ENOX1: variants seen among roughly 807,000 people sequenced by gnomAD.
ENOX1 encodes ecto-NOX disulfide-thiol exchanger 1, also known as candidate growth-related and time keeping constitutive hydroquinone (NADH) oxidase.
In ENOX1, 42 loss-of-function variants were observed where a neutral mutation model predicts 82.5. The observed-to-expected ratio is 0.51, with a 90% CI of 0.40 to 0.66. The LOEUF (loss-of-function observed/expected upper bound fraction) is 0.66. Ranked by LOEUF, ENOX1 falls within the 30% of genes least tolerant of loss-of-function variation. The pLI is 0.00. For missense variants in ENOX1, 608 were observed against 811.6 expected, an observed-to-expected ratio of 0.75 and a Z score of 3.05; for synonymous variants, 271 against 282.2, an observed-to-expected ratio of 0.96 and a Z score of 0.40.
At chr13:43,535,164 G>A (rs1159668992) in intron 2 of ENOX1, among the ~76,000 whole-genome samples, 12 of 152,176 alleles carry the variant, frequency 7.9e-5, no homozygotes, top group Non-Finnish European at 1.8e-4. Context: ...TGCTTAGTGA[G>A]TAGAGGTTAG....
intron 13 of ENOX1, 75 bp from the exon 14 acceptor site, chr13:43,265,529 G>A: frequency 8.1e-7 from 1 of 1,235,778 alleles, no homozygotes; most frequent in Non-Finnish European, 1.2e-6. Context: ...ATATCATCTT[G>A]TTAACTGATT....
intron 1 of ENOX1, among the ~76,000 whole-genome samples, chr13:43,781,050 C>T (rs1952230193): frequency 6.6e-6 from 1 of 152,204 alleles, no homozygotes; most frequent in Non-Finnish European, 1.5e-5. Context: ...CTATTCCATA[C>T]TTAGGATGGC....
intron 2 of ENOX1, among the ~76,000 whole-genome samples, chr13:43,553,060 A>T (rs1450280064): frequency 6.6e-6 from 1 of 152,090 alleles, no homozygotes; most frequent in Non-Finnish European, 1.5e-5. Flanking sequence ...TGGGGAGTGG[A>T]GATGGGGGTT....
intron 2 of ENOX1, among the ~76,000 whole-genome samples, chr13:43,525,052 C>T (rs577465624): frequency 3.3e-5 from 5 of 152,092 alleles, no homozygotes; most frequent in African/African-American, 7.2e-5. Flanking sequence ...ATCAACTACT[C>T]CTTCACATTT....
At chr13:43,274,320 C>G (rs1293594790) in intron 12 of ENOX1, among the ~76,000 whole-genome samples, 1 of 152,174 alleles carries the variant, frequency 6.6e-6, no homozygotes, top group Non-Finnish European at 1.5e-5. Context: ...CACTCCTAGA[C>G]TGTTTTCTGC....
At position 43,258,192 on chromosome 13, in the gene ENOX1, G is replaced by A. The variant is rs143877420; in HGVS notation, c.1611+7206C>T. 1.7e-3 allele frequency among the ~76,000 whole-genome samples: 266 copies of A among 152,306 alleles called. 1 individual carries two copies. Among genetic ancestry groups the A allele is most frequent in the African/African-American group, 6.2e-3 (258 of 41,564 alleles). ...ATTCACCGTGAGCCAGCTTCTGTCTGTTTTTGACAGCAGTTCCCTCTCTAA... is the reference window on the plus strand; with the variant it reads ...ATTCACCGTGAGCCAGCTTCTGTCTATTTTTGACAGCAGTTCCCTCTCTAA... On this transcript the variant is annotated intron_variant, in intron 14 of 16. Transcript: ENST00000690772.
At chr13:43,372,373 A>T (rs564925109) in intron 5 of ENOX1, among the ~76,000 whole-genome samples, 2 of 152,222 alleles carry the variant, frequency 1.3e-5, no homozygotes, top group African/African-American at 2.4e-5. Context: ...TTAATATGGC[A>T]TCTGGAAGGC....
intron 11 of ENOX1, among the ~76,000 whole-genome samples, chr13:43,315,335 G>A (rs1197074568): frequency 6.6e-6 from 1 of 152,190 alleles, no homozygotes; most frequent in Non-Finnish European, 1.5e-5. Flanking sequence ...AATCACAGGT[G>A]AGCATTTGAC....
At chr13:43,588,288 G>C (rs2081084954) in intron 2 of ENOX1, among the ~76,000 whole-genome samples, 1 of 152,074 alleles carries the variant, frequency 6.6e-6, no homozygotes, top group Admixed American at 6.6e-5. Context: ...TAAGTGCTTT[G>C]GAGTGAAAAC....
At chr13:43,725,303 CA>C (rs1195670700) in intron 1 of ENOX1, among the ~76,000 whole-genome samples, 3 of 152,122 alleles carry the variant, frequency 2.0e-5, no homozygotes. Flanking sequence ...GCAATGACTA[CA>C]AAAGACCTTG....
At chr13:43,476,343 T>C (rs1045471810) in intron 3 of ENOX1, among the ~76,000 whole-genome samples, 30 of 152,122 alleles carry the variant, frequency 2.0e-4, no homozygotes, top group Non-Finnish European at 3.4e-4. Flanking sequence ...TAACTTGAGA[T>C]ACATCTGGAA....
chr13:43,485,830 C>G (rs924196598), intron 2 of ENOX1, among the ~76,000 whole-genome samples: 1 of 152,252 alleles, frequency 6.6e-6, no homozygotes, highest in African/African-American at 2.4e-5. Flanking sequence ...AATCCCAGCA[C>G]TTTGGGAGGC....
At chr13:43,603,064 T>C (rs1194819993) in intron 2 of ENOX1, among the ~76,000 whole-genome samples, 1 of 152,104 alleles carries the variant, frequency 6.6e-6, no homozygotes, top group African/African-American at 2.4e-5. Context: ...AAGTGTTGAA[T>C]ATTATAATGA....
At chr13:43,644,110 C>T (rs1172527810) in intron 2 of ENOX1, among the ~76,000 whole-genome samples, 4 of 152,098 alleles carry the variant, frequency 2.6e-5, no homozygotes, top group Non-Finnish European at 5.9e-5. Context: ...ATTCAGTTCC[C>T]GATTTCCCAT....
At chr13:43,365,045 C>G (rs191149633) in intron 5 of ENOX1, among the ~76,000 whole-genome samples, 1 of 152,332 alleles carries the variant, frequency 6.6e-6, no homozygotes, top group Admixed American at 6.5e-5. Flanking sequence ...ACTTTGCTCT[C>G]CCTGGAACTC....
intron 14 of ENOX1, among the ~76,000 whole-genome samples, chr13:43,261,512 C>A (rs1156335630): frequency 7.9e-5 from 12 of 152,158 alleles, no homozygotes. Context: ...ATGCCTGACA[C>A]ACAGGCGTGT....
chr13:43,298,236 G>A (rs2046381552), intron 12 of ENOX1, 110 bp downstream of exon 12: 2 of 1,161,134 alleles, frequency 1.7e-6, no homozygotes, highest in Middle Eastern at 5.7e-4. Context: ...TAGCTTTTTG[G>A]TTGTCATTTC....
chr13:43,333,233 A>G (rs891133483), intron 9 of ENOX1, among the ~76,000 whole-genome samples: 2 of 152,218 alleles, frequency 1.3e-5, no homozygotes, highest in African/African-American at 4.8e-5. Context: ...CTGAATTTTT[A>G]ATTTTGAAAG....
chr13:43,770,701 A>ACG (rs1951540355), intron 1 of ENOX1, among the ~76,000 whole-genome samples: 1 of 151,376 alleles, frequency 6.6e-6, no homozygotes, highest in South Asian at 2.1e-4. Flanking sequence ...ACACACACAC[A>ACG]CACACACACA....
Sources: allele counts gnomAD v4.1 joint callset (sites outside exome capture counted in the v4.1 genomes callset), GRCh38; gene constraint gnomAD v4.1.1; transcripts MANE v1.5; gene names NCBI Gene and HGNC (gene_info 2026-07-23, HGNC 2026-07-21).